The following PFKFB4 variants were observed in gnomAD, a reference collection of about 807,000 sequenced individuals.
PFKFB4 encodes 6-phosphofructo-2-kinase/fructose-2,6-biphosphatase 4.
A neutral mutation model predicts 62.8 loss-of-function variants in PFKFB4; 42 were observed. That is an observed-to-expected ratio of 0.67 (90% CI 0.52 to 0.86). The LOEUF (loss-of-function observed/expected upper bound fraction) is 0.86, where lower values mean the gene tolerates loss of function less well. Among genes scored for constraint, PFKFB4 ranks in the 40% least tolerant of loss-of-function variants. The pLI, the probability that PFKFB4 is intolerant of heterozygous loss-of-function variation, is 0.00. For missense variants in PFKFB4, 475 were observed against 627.2 expected (o/e 0.76, Z 2.59); for synonymous variants, 204 against 240.7 (o/e 0.85, Z 1.41).
chr3:48,543,531 A>G lies in PFKFB4; in HGVS notation c.378+49T>C, dbSNP rs753773544. On this transcript the variant is annotated intron_variant, in intron 4 of 13. Transcript: ENST00000232375. ...CTGACGAGCAAAGGCACAGATGTGG[A>G]TGGGCTCCCATGTGTCACTCCCAGC... The G allele has an allele frequency of 8.6e-6, 13 of 1,507,342 alleles. No homozygotes were observed. In the East Asian group the frequency reaches 1.6e-4, roughly 19 times the overall value. The allele number at this position is 1,507,342 out of a possible 1,614,324, so 93.4% of individuals were successfully genotyped here. A position where few individuals can be genotyped will look rare whatever the true frequency, so the allele number is the denominator to read the frequency against.
intron 9 of PFKFB4, 63 bp downstream of exon 9, chr3:48,535,449 C>A: frequency 2.1e-6 from 3 of 1,408,678 alleles, no homozygotes; most frequent in East Asian, 2.3e-5. Flanking sequence ...ACTGTTGTTA[C>A]AATATGATGC....
upstream of PFKFB4, chr3:48,563,067 C>T (rs2043462510): frequency 6.2e-7 from 1 of 1,612,076 alleles, no homozygotes; most frequent in Non-Finnish European, 8.5e-7. The surrounding 1 kb of genome is among the most constrained non-coding windows in gnomAD (Gnocchi z 4.5). Flanking sequence ...GTCACTGGGA[C>T]AACCAGGACT....
At chr3:48,544,452 T>A (rs987164769) in intron 3 of PFKFB4, among the ~76,000 whole-genome samples, 2 of 147,246 alleles carry the variant, frequency 1.4e-5, no homozygotes, top group African/African-American at 2.5e-5. Context: ...TTTTTTTTTT[T>A]TTTTTTTTTT....
At chr3:48,526,513 C>A (rs983434437) in intron 9 of PFKFB4, among the ~76,000 whole-genome samples, 1 of 146,920 alleles carries the variant, frequency 6.8e-6, no homozygotes, top group Non-Finnish European at 1.5e-5. Context: ...GTGGAGATTG[C>A]AGTGAGCCAA....
chr3:48,532,127 T>C (rs1002395313), intron 9 of PFKFB4, among the ~76,000 whole-genome samples: 1 of 152,080 alleles, frequency 6.6e-6, no homozygotes, highest in African/African-American at 2.4e-5. Context: ...GCCAACATGG[T>C]GAAACCCTGT....
At position 48,537,639 on chromosome 3, in the gene PFKFB4, C is replaced by A. The variant is rs546948756; in HGVS notation, c.632+859G>T. Among the ~76,000 whole-genome samples the A allele has an allele frequency of 2.6e-5, 4 of 151,606 alleles. No homozygotes were observed. In the East Asian group the frequency reaches 7.8e-4, roughly 30 times the overall value. On this transcript the variant is annotated intron_variant, in intron 7 of 13. Transcript: ENST00000232375. ...CCCTGGGCTTAGGTGATTCTCCCAC[C>A]TCAGCCTCCCGAGTAGCTGGGACTA...
At chr3:48,537,947 T>C (rs544232720) in intron 7 of PFKFB4, among the ~76,000 whole-genome samples, 5 of 152,364 alleles carry the variant, frequency 3.3e-5, no homozygotes, top group African/African-American at 4.8e-5. Flanking sequence ...ATGATGACTG[T>C]AATACTTCAC....
chr3:48,541,411 G>A (rs1200258346), intron 4 of PFKFB4, among the ~76,000 whole-genome samples: 1 of 152,058 alleles, frequency 6.6e-6, no homozygotes, highest in Non-Finnish European at 1.5e-5. Flanking sequence ...TTACAGGTGT[G>A]AGCCACCGCA....
chr3:48,525,371 G>C lies in PFKFB4; in HGVS notation c.1092+194C>G. On this transcript the variant is annotated intron_variant, in intron 10 of 13. Transcript: ENST00000232375. The stretch of plus-strand genomic sequence containing the variant: ...ATGGCACTGCCCACTCCACACCTGA[G>C]GAAGGGACTAAGGCCTGGGCTGCAT... Among the ~76,000 whole-genome samples, 2 of 152,130 alleles carry C rather than the reference G, an allele frequency of 1.3e-5. 1 individual carries two copies. The highest frequency in any genetic ancestry group is 3.9e-4 in the East Asian group (2 of 5,172).
At chr3:48,523,416 G>C in intron 12 of PFKFB4, 121 bp downstream of exon 12, 1 of 916,430 alleles carries the variant, frequency 1.1e-6, no homozygotes, top group Non-Finnish European at 1.7e-6. Context: ...AAGGTGGTGG[G>C]GTAGTAGGTG....
At chr3:48,532,630 C>T (rs896081734) in intron 9 of PFKFB4, among the ~76,000 whole-genome samples, 16 of 152,116 alleles carry the variant, frequency 1.1e-4, no homozygotes, top group Admixed American at 2.0e-4. Flanking sequence ...GTGGTAGAAT[C>T]GCTTGAGGCT....
chr3:48,539,382 C>G, intron 5 of PFKFB4, 72 bp from the exon 6 acceptor site: 1 of 1,274,510 alleles, frequency 7.8e-7, no homozygotes, highest in Non-Finnish European at 1.1e-6. Context: ...TCCCGCCTTG[C>G]TCCTCGGAGC....
Position 48,536,432 on chromosome 3 carries a change from C to T in PFKFB4, c.664G>A (p.Gly222Ser), listed in dbSNP as rs750763322. The change falls in exon 8 of 14, where the codon GGC (glycine) becomes AGC (serine). Residue 222 changes from glycine (G) to serine (S), a missense_variant. Transcript: ENST00000232375. Reference protein sequence around the residue: ...DLSYIKIMDVGQSYVVNRVAD... With the variant: ...DLSYIKIMDVSQSYVVNRVAD... ...ACACGGTTCACCACGTAGCTCTGGC[C>T]CACATCCATGATCTTGATATAGGAC... The T allele has an allele frequency of 1.2e-6, 2 of 1,614,004 alleles. No homozygotes were observed. The highest frequency in any genetic ancestry group is 1.7e-4 in the Middle Eastern group (1 of 6,060).
At position 48,519,783 on chromosome 3, in the gene PFKFB4, T is replaced by G. The variant is rs2042035152; in HGVS notation, c.1374A>C (p.Pro458=). The G allele has an allele frequency of 1.1e-5, 17 of 1,613,864 alleles. No individual in the cohort carries two copies. Among genetic ancestry groups the G allele is most frequent in the Non-Finnish European group, 1.4e-5 (17 of 1,179,836 alleles). The change falls in exon 14 of 14, where the codon CCA becomes CCC. Residue 458 remains proline, a synonymous_variant. Transcript: ENST00000232375. ...CAGGCACCGTGACAAGGGCTTCCTCTGGAGGTCTTGAGATGTCCACGTTCT... is the reference window on the plus strand; with the variant it reads ...CAGGCACCGTGACAAGGGCTTCCTCGGGAGGTCTTGAGATGTCCACGTTCT... The part of the protein sequence containing the change: ...RPQNVDISRP[P]EEALVTVPAH...
upstream of PFKFB4, chr3:48,563,100 G>A: frequency 6.2e-7 from 1 of 1,611,384 alleles, no homozygotes. This position sits in a 1 kb window ranked among gnomAD's most constrained non-coding sequence, Gnocchi z 4.5. Context: ...AGGACCATCA[G>A]CAACAGCAGA....
upstream of PFKFB4, chr3:48,559,898 C>T (rs892701003): frequency 2.6e-5 from 5 of 191,644 alleles, no homozygotes; most frequent in African/African-American, 1.4e-4. Flanking sequence ...AACCATCCCA[C>T]CACACACACA....
In PFKFB4 at chr3:48,535,661, G is replaced by A. The variant is rs1431382793; in HGVS notation, c.841-3C>T. 24 of 1,614,022 alleles carry A rather than the reference G, an allele frequency of 1.5e-5. No homozygotes were observed. Among genetic ancestry groups the A allele is most frequent in the Non-Finnish European group, 2.0e-5 (24 of 1,180,020 alleles). On this transcript the variant is annotated splice_region_variant and splice_polypyrimidine_tract_variant and intron_variant, in intron 8 of 13. Coordinates refer to ENST00000232375, the MANE Select transcript of PFKFB4 (RefSeq NM_004567.4). The stretch of plus-strand genomic sequence containing the variant: ...AACTGGGCTAGACTCTTGGCAAACT[G>A]AAATACATCATAAGCAAACTCAGAC...
At chr3:48,561,255 C>T (rs2043429792), upstream of PFKFB4, 6 of 333,336 alleles carry the variant, frequency 1.8e-5, 1 homozygote, top group South Asian at 1.5e-4. This position sits in a 1 kb window ranked among gnomAD's most constrained non-coding sequence, Gnocchi z 5.2. Context: ...CCCGCCCCCA[C>T]AGGGCTGCTT....
intron 9 of PFKFB4, among the ~76,000 whole-genome samples, chr3:48,528,919 G>A (rs1267136212): frequency 1.3e-5 from 2 of 152,224 alleles, no homozygotes; most frequent in Non-Finnish European, 2.9e-5. Context: ...AGTGACTGTT[G>A]ATGGGCACAG....
Sources: allele counts gnomAD v4.1 joint callset (sites outside exome capture counted in the v4.1 genomes callset), GRCh38; gene constraint gnomAD v4.1.1; non-coding constraint Gnocchi (gnomAD v3.1); transcripts MANE v1.5; gene names NCBI Gene and HGNC (gene_info 2026-07-23, HGNC 2026-07-21).